BMPR1A: variants seen among roughly 807,000 people sequenced by gnomAD.
BMPR1A encodes bone morphogenetic protein receptor type 1A.
In BMPR1A, 7 loss-of-function variants were observed where a neutral mutation model predicts 66.0. That is an observed-to-expected ratio of 0.11 (90% CI 0.06 to 0.20). The LOEUF is 0.20. Ranked by LOEUF, BMPR1A falls within the 10% of genes least tolerant of loss-of-function variation. BMPR1A has a pLI of 1.00. For missense variants in BMPR1A, 408 were observed against 669.1 expected (o/e 0.61, Z 4.31); for synonymous variants, 200 against 229.7 (o/e 0.87, Z 1.17).
At chr10:86,864,988 C>T (rs908233734) in intron 2 of BMPR1A, among the ~76,000 whole-genome samples, 3 of 151,600 alleles carry the variant, frequency 2.0e-5, no homozygotes, top group African/African-American at 7.3e-5. Context: ...CAAAAATTTT[C>T]GCCGCCCCAA....
chr10:86,911,983 T>C (rs555100722), intron 7 of BMPR1A, among the ~76,000 whole-genome samples: 1 of 152,318 alleles, frequency 6.6e-6, no homozygotes, highest in Non-Finnish European at 1.5e-5. Context: ...ATAGCTAGGA[T>C]GACACTTCAC....
chr10:86,774,471 T>G (rs1031404305), intron 1 of BMPR1A, among the ~76,000 whole-genome samples: 2 of 151,934 alleles, frequency 1.3e-5, no homozygotes, highest in African/African-American at 4.8e-5. Context: ...TTGTCAGAGA[T>G]ATACTCTTTA....
intron 1 of BMPR1A, among the ~76,000 whole-genome samples, chr10:86,790,102 G>A (rs1481571384): frequency 8.8e-6 from 1 of 113,868 alleles, no homozygotes; most frequent in Non-Finnish European, 1.8e-5. Flanking sequence ...CTTGCAGTGA[G>A]CCGAGATCTT....
In BMPR1A at chr10:86,921,549, A is replaced by G. The variant is rs1554891315; in HGVS notation, c.1196A>G (p.Asn399Ser). The G allele has an allele frequency of 2.5e-6, 4 of 1,614,078 alleles. No individual in the cohort carries two copies. Among genetic ancestry groups the G allele is most frequent in the Non-Finnish European group, 2.5e-6 (3 of 1,179,982 alleles). The stretch of plus-strand genomic sequence containing the variant: ...ACAAATGAAGTTGATGTGCCCTTGA[A>G]TACCAGGGTGGGCACCAAACGCTAC... ...SDTNEVDVPLNTRVGTKRYMA... is the reference protein window; with the variant it reads ...SDTNEVDVPLSTRVGTKRYMA... The change falls in exon 11 of 13, where the codon AAT becomes AGT. Residue 399 changes from asparagine (N) to serine (S), a missense_variant. Asn to Ser is a conservative substitution (Grantham distance 46). Around this residue, in one of 5 missense-constraint regions of BMPR1A, gnomAD observed 130 missense variants for 257.3 expected, o/e 0.51. Coordinates refer to ENST00000372037, the MANE Select transcript of BMPR1A (RefSeq NM_004329.3).
At chr10:86,914,378 A>C (rs759344973) in intron 8 of BMPR1A, among the ~76,000 whole-genome samples, 4 of 152,122 alleles carry the variant, frequency 2.6e-5, no homozygotes, top group Non-Finnish European at 4.4e-5. Flanking sequence ...AACACAAATC[A>C]TTTTTTTAAT....
chr10:86,790,038 C>T (rs1269887084), intron 1 of BMPR1A, among the ~76,000 whole-genome samples: 1 of 149,356 alleles, frequency 6.7e-6, no homozygotes, highest in Non-Finnish European at 1.5e-5. Context: ...TTCCTGTAGT[C>T]CCAGCTACTC....
At chr10:86,914,523 C>T (rs1843535600) in intron 8 of BMPR1A, among the ~76,000 whole-genome samples, 1 of 151,882 alleles carries the variant, frequency 6.6e-6, no homozygotes, top group East Asian at 1.9e-4. Flanking sequence ...TTTTGCAACT[C>T]AATAATAAGA....
In BMPR1A at chr10:86,885,596, A is replaced by T. The variant is rs927407173; in HGVS notation, c.68-4466A>T. Reference sequence around the variant, plus strand: ...CATATGGGACAGCACAGTTGTAGACATGCCACCTTTTCCCTAGTTCTTGCT... The same window carrying T: ...CATATGGGACAGCACAGTTGTAGACTTGCCACCTTTTCCCTAGTTCTTGCT... On this transcript the variant is annotated intron_variant, in intron 3 of 12. Coordinates refer to ENST00000372037, the MANE Select transcript of BMPR1A (RefSeq NM_004329.3). Among the ~76,000 whole-genome samples the T allele has an allele frequency of 4.6e-5, 7 of 152,356 alleles. No individual in the cohort carries two copies. In the East Asian group the frequency reaches 1.3e-3, roughly 29 times the overall value.
chr10:86,829,076 A>G (rs1349729468), intron 1 of BMPR1A, among the ~76,000 whole-genome samples: 2 of 152,012 alleles, frequency 1.3e-5, no homozygotes, highest in African/African-American at 2.4e-5. Flanking sequence ...ATACGGAGGG[A>G]AAGGGCCCTT....
chr10:86,931,242 CAAAAAAAAAAAA>C (rs1163664422), downstream of BMPR1A: 1 of 50,240 alleles, frequency 2.0e-5, no homozygotes, highest in African/African-American at 1.2e-4. Context: ...CTCCGTCTCT[CAAAAAAAAAAAA>C]AGAAAAAAAA....
At chr10:86,781,288 G>A (rs554924089) in intron 1 of BMPR1A, among the ~76,000 whole-genome samples, 41 of 152,266 alleles carry the variant, frequency 2.7e-4, no homozygotes, top group South Asian at 4.1e-4. Context: ...TGAAGAGACT[G>A]TCTTTTTCCC....
chr10:86,839,246 A>C (rs1265602499), intron 2 of BMPR1A, among the ~76,000 whole-genome samples: 2 of 152,190 alleles, frequency 1.3e-5, no homozygotes, highest in African/African-American at 4.8e-5. Flanking sequence ...TCCTTTTAGA[A>C]GATAAGCATT....
chr10:86,915,556 C>T (rs188018363), intron 8 of BMPR1A, among the ~76,000 whole-genome samples: 14 of 152,186 alleles, frequency 9.2e-5, no homozygotes, highest in African/African-American at 2.6e-4. Context: ...TGGTGAAACC[C>T]TGTCTCTACT....
At chr10:86,813,895 G>T (rs931837166) in intron 1 of BMPR1A, among the ~76,000 whole-genome samples, 6 of 152,110 alleles carry the variant, frequency 3.9e-5, no homozygotes, top group African/African-American at 7.2e-5. Flanking sequence ...GTTTTTGTAT[G>T]TTGATAATAT....
At position 86,927,478 on chromosome 10, in the gene BMPR1A, TGGAAA is replaced by T. The variant is rs1438256826; in HGVS notation, c.*3760_*3764del. ...TAGTGTGCTGCTGTGAGAGTCACAGTGGAAACTGCAGGGAGGAGGTGTGTTCCTAA... is the reference window on the plus strand; with the variant it reads ...TAGTGTGCTGCTGTGAGAGTCACAGTCTGCAGGGAGGAGGTGTGTTCCTAA... On this transcript the variant is annotated 3_prime_UTR_variant, in exon 13 of 13. Transcript: ENST00000372037. 1 of 200,818 alleles carries T rather than the reference TGGAAA, an allele frequency of 5.0e-6. No homozygotes were observed. Among genetic ancestry groups the T allele is most frequent in the Non-Finnish European group, 1.0e-5 (1 of 97,508 alleles). The allele number at this position is 200,818 out of a possible 1,614,324, so 12.4% of individuals were successfully genotyped here. A position where few individuals can be genotyped will look rare whatever the true frequency, so the allele number is the denominator to read the frequency against.
chr10:86,814,054 T>G (rs1215209825), intron 1 of BMPR1A, among the ~76,000 whole-genome samples: 2 of 152,214 alleles, frequency 1.3e-5, no homozygotes, highest in Non-Finnish European at 2.9e-5. Flanking sequence ...TACTTGATGT[T>G]TTTGCCTAGA....
At chr10:86,876,726 C>T (rs1054749967) in intron 3 of BMPR1A, among the ~76,000 whole-genome samples, 3 of 152,234 alleles carry the variant, frequency 2.0e-5, no homozygotes, top group East Asian at 3.9e-4. Context: ...GAGCTGAGAT[C>T]GCACCAATGC....
chr10:86,760,157 AT>A (rs1279677446), intron 1 of BMPR1A, among the ~76,000 whole-genome samples: 2 of 42,088 alleles, frequency 4.8e-5, no homozygotes, highest in Admixed American at 2.3e-4. Flanking sequence ...TAAATGAAAT[AT>A]TTTCTGTGGT....
chr10:86,811,970 G>T (rs1225358600), intron 1 of BMPR1A, among the ~76,000 whole-genome samples: 4 of 151,666 alleles, frequency 2.6e-5, no homozygotes, highest in Non-Finnish European at 4.4e-5. Flanking sequence ...AGTCCTGGCT[G>T]TTCGGGAGGC....
Sources: gnomAD v4.1 joint callset for allele counts (sites outside exome capture counted in the v4.1 genomes callset) on GRCh38, gnomAD v4.1.1 for gene constraint, gnomAD v4.1.1 regional missense constraint, MANE v1.5 for transcripts, NCBI Gene and HGNC (gene_info 2026-07-23, HGNC 2026-07-21) for gene names.